AKAP19: variants seen among roughly 807,000 people sequenced by gnomAD.
AKAP19 encodes the protein small A-kinase anchoring protein.
At chr2:189,957,289 C>T in the AKAP19 span, among the ~76,000 whole-genome samples, 2 of 152,142 alleles carry the variant, frequency 1.3e-5, no homozygotes, top group Admixed American at 6.5e-5. Flanking sequence ...CTCTTACTTC[C>T]GTTACATAGA....
chr2:190,201,554 G>A, the AKAP19 span: 2 of 166,986 alleles, frequency 1.2e-5, no homozygotes, highest in Admixed American at 1.3e-4. Flanking sequence ...TATTTGTCTT[G>A]TAAGCAGGCA....
the AKAP19 span, among the ~76,000 whole-genome samples, chr2:190,039,403 A>G: frequency 6.6e-6 from 1 of 152,132 alleles, no homozygotes; most frequent in African/African-American, 2.4e-5. Context: ...ACATGCTTCA[A>G]ATACATTCTT....
chr2:190,069,843 T>TA, the AKAP19 span, among the ~76,000 whole-genome samples: 2 of 152,134 alleles, frequency 1.3e-5, no homozygotes, highest in Admixed American at 1.3e-4. Flanking sequence ...CTAAGGGAAA[T>TA]AAAAAACTTT....
chr2:189,932,407 C>CAA, the AKAP19 span, among the ~76,000 whole-genome samples: 20 of 124,078 alleles, frequency 1.6e-4, no homozygotes, highest in African/African-American at 5.7e-4. Context: ...GACTCCAACT[C>CAA]AAAAAAAAAA....
chr2:190,028,176 A>C, the AKAP19 span, among the ~76,000 whole-genome samples: 1 of 152,152 alleles, frequency 6.6e-6, no homozygotes, highest in African/African-American at 2.4e-5. Flanking sequence ...ACAAAAATTC[A>C]TGAGGAGAAG....
chr2:189,920,036 GC>G, the AKAP19 span, among the ~76,000 whole-genome samples: 1 of 152,162 alleles, frequency 6.6e-6, no homozygotes, highest in Non-Finnish European at 1.5e-5. Flanking sequence ...ATACAGTTGT[GC>G]CAGATTTGCT....
the AKAP19 span, among the ~76,000 whole-genome samples, chr2:190,044,345 C>A: frequency 6.6e-6 from 1 of 152,122 alleles, no homozygotes; most frequent in Non-Finnish European, 1.5e-5. Flanking sequence ...AATGGAGTGT[C>A]TTTGTGCTGT....
the AKAP19 span, among the ~76,000 whole-genome samples, chr2:190,030,536 G>A: frequency 6.6e-6 from 1 of 152,132 alleles, no homozygotes; most frequent in African/African-American, 2.4e-5. Flanking sequence ...GGAAATTCAT[G>A]GAAGTAGGTG....
At chr2:190,067,207 TTA>T in the AKAP19 span, among the ~76,000 whole-genome samples, 2 of 152,196 alleles carry the variant, frequency 1.3e-5, no homozygotes, top group Non-Finnish European at 2.9e-5. Context: ...TCTTCATACA[TTA>T]TGGGGCCTCT....
the AKAP19 span, among the ~76,000 whole-genome samples, chr2:189,938,226 C>T: frequency 6.6e-6 from 1 of 151,420 alleles, no homozygotes; most frequent in African/African-American, 2.4e-5. Flanking sequence ...ATCCCAGCTA[C>T]TTGGGAGGCT....
At chr2:189,975,451 T>C in the AKAP19 span, among the ~76,000 whole-genome samples, 33 of 152,314 alleles carry the variant, frequency 2.2e-4, 1 homozygote, top group East Asian at 5.2e-3. Context: ...ATCTGACAAT[T>C]ATGTGTCTTG....
the AKAP19 span, among the ~76,000 whole-genome samples, chr2:189,995,589 G>C: frequency 7.9e-5 from 12 of 152,112 alleles, no homozygotes; most frequent in Non-Finnish European, 1.8e-4. Context: ...TATATTTTAA[G>C]TGGAACTTTT....
At chr2:189,932,416 A>G in the AKAP19 span, among the ~76,000 whole-genome samples, 1 of 152,118 alleles carries the variant, frequency 6.6e-6, no homozygotes, top group East Asian at 1.9e-4. Context: ...TCAAAAAAAA[A>G]AAAAAAAAAG....
chr2:190,019,657 C>G, the AKAP19 span, among the ~76,000 whole-genome samples: 1 of 151,980 alleles, frequency 6.6e-6, no homozygotes, highest in Non-Finnish European at 1.5e-5. Flanking sequence ...CATTTTCCCC[C>G]ATGAAGTAAG....
chr2:190,116,144 AG>A, the AKAP19 span, among the ~76,000 whole-genome samples: 1 of 152,230 alleles, frequency 6.6e-6, no homozygotes. Flanking sequence ...ACAGGAAAAA[AG>A]GGGAAAAATA....
the AKAP19 span, among the ~76,000 whole-genome samples, chr2:190,006,139 A>T: frequency 6.6e-6 from 1 of 152,228 alleles, no homozygotes; most frequent in Admixed American, 6.5e-5. Flanking sequence ...ATTTTTCATG[A>T]GATGAATGAG....
chr2:190,120,885 G>A, the AKAP19 span, among the ~76,000 whole-genome samples: 1 of 152,022 alleles, frequency 6.6e-6, no homozygotes, highest in Non-Finnish European at 1.5e-5. Flanking sequence ...AGGATTGTTG[G>A]GCAGATTAAA....
the AKAP19 span, among the ~76,000 whole-genome samples, chr2:190,087,617 C>T: frequency 0.43 from 65,408 of 152,078 alleles, 15,337 homozygotes; most frequent in South Asian, 0.69. Context: ...TTTTCCAACC[C>T]GCTGACTCCT....
At chr2:189,992,247 G>A in the AKAP19 span, among the ~76,000 whole-genome samples, 1 of 151,890 alleles carries the variant, frequency 6.6e-6, no homozygotes, top group East Asian at 1.9e-4. Flanking sequence ...GTAGAGACAG[G>A]TTTTCACCAT....
Sources: gnomAD v4.1 joint callset for allele counts (sites outside exome capture counted in the v4.1 genomes callset) on GRCh38, gnomAD v4.1.1 for gene constraint, MANE v1.5 for transcripts, NCBI Gene and HGNC (gene_info 2026-07-23, HGNC 2026-07-21) for gene names.